The following CDC42BPA variants were observed in gnomAD, a reference collection of about 807,000 sequenced individuals.
CDC42BPA encodes the protein serine/threonine-protein kinase MRCK alpha.
CDC42BPA carries 80 observed loss-of-function variants against 223.5 expected under a neutral mutation model. The ratio of observed to expected loss-of-function variants is 0.36; its 90% CI spans 0.30 to 0.43. The LOEUF is 0.43. Ranked by LOEUF, CDC42BPA falls within the 20% of genes least tolerant of loss-of-function variation. CDC42BPA has a pLI of 1.00. For synonymous variants in CDC42BPA, 694 were observed against 718.6 expected, an observed-to-expected ratio of 0.97 and a Z score of 0.55; for missense variants, 1,743 against 2,099.9, an observed-to-expected ratio of 0.83 and a Z score of 3.32.
chr1:227,312,835 T>A (rs1693754694), intron 1 of CDC42BPA, among the ~76,000 whole-genome samples: 1 of 152,118 alleles, frequency 6.6e-6, no homozygotes, highest in Non-Finnish European at 1.5e-5. Context: ...ATCTGGTTGT[T>A]TAAAAGCGTG....
chr1:227,016,312 A>C (rs1666236452), intron 33 of CDC42BPA, 115 bp from the exon 34 acceptor site: 4 of 687,524 alleles, frequency 5.8e-6, no homozygotes, highest in Non-Finnish European at 1.0e-5. Flanking sequence ...CACATTAATA[A>C]GAATATAGAG....
At chr1:227,191,616 T>G (rs780620618) in intron 5 of CDC42BPA, among the ~76,000 whole-genome samples, 1 of 152,158 alleles carries the variant, frequency 6.6e-6, no homozygotes, top group Non-Finnish European at 1.5e-5. Context: ...TCTCAAGAAT[T>G]ACATATAAAC....
chr1:227,214,170 C>A (rs547954725), intron 2 of CDC42BPA, among the ~76,000 whole-genome samples: 1 of 150,398 alleles, frequency 6.6e-6, no homozygotes, highest in Non-Finnish European at 1.5e-5. Context: ...TGCTGTTCAA[C>A]GGGATATTTC....
chr1:227,081,454 CTCTTTT>C (rs999466906), intron 16 of CDC42BPA, among the ~76,000 whole-genome samples: 3 of 136,078 alleles, frequency 2.2e-5, no homozygotes, highest in African/African-American at 8.4e-5. Flanking sequence ...TGTTCTCTCT[CTCTTTT>C]TTTTTTTTTC....
Position 227,145,733 on chromosome 1 carries a change from C to T in CDC42BPA, c.899G>A (p.Arg300Lys). Residue 300 changes from arginine to lysine, a missense_variant, in exon 8 of 37, where the codon AGG becomes AAG. Arg to Lys is a conservative substitution (Grantham distance 26). This residue lies in a region of CDC42BPA where 321 missense variants were observed against 488.7 expected (regional missense o/e 0.66). Transcript: ENST00000366766. ...TYGKIMNHKERFQFPAQVTDV... is the reference protein window; with the variant it reads ...TYGKIMNHKEKFQFPAQVTDV... Reference sequence around the variant, plus strand: ...AGTCACTTGGGCTGGAAACTGAAACCTCTCCTAAACAGAGAAAAACAGAAA... The same window carrying T: ...AGTCACTTGGGCTGGAAACTGAAACTTCTCCTAAACAGAGAAAAACAGAAA... 1 of 1,606,596 alleles carries T rather than the reference C, an allele frequency of 6.2e-7. No individual in the cohort carries two copies.
At chr1:227,292,552 C>T (rs1213785092) in intron 1 of CDC42BPA, among the ~76,000 whole-genome samples, 1 of 152,112 alleles carries the variant, frequency 6.6e-6, no homozygotes, top group Non-Finnish European at 1.5e-5. Context: ...GAATTAAAAT[C>T]ATCTTTATCA....
chr1:227,091,861 A>T, intron 16 of CDC42BPA, 25 bp downstream of exon 16: 1 of 1,281,924 alleles, frequency 7.8e-7, no homozygotes, highest in Non-Finnish European at 1.1e-6. Context: ...GTACTACTCA[A>T]TTAATATGAG....
At chr1:227,272,179 A>T (rs557889645) in intron 1 of CDC42BPA, among the ~76,000 whole-genome samples, 107 of 152,294 alleles carry the variant, frequency 7.0e-4, no homozygotes, top group Non-Finnish European at 1.4e-3. Context: ...AATGTAGGAG[A>T]AAAGCCAAGA....
intron 1 of CDC42BPA, among the ~76,000 whole-genome samples, chr1:227,300,629 A>G (rs978606649): frequency 6.6e-6 from 1 of 152,224 alleles, no homozygotes; most frequent in Non-Finnish European, 1.5e-5. Context: ...CTATGGGTAC[A>G]CAAAGGCAGA....
At chr1:227,028,453 G>A (rs969063091) in intron 30 of CDC42BPA, among the ~76,000 whole-genome samples, 4 of 152,130 alleles carry the variant, frequency 2.6e-5, no homozygotes, top group South Asian at 2.1e-4. Context: ...TTTAAATTAC[G>A]TGCATGCTAA....
At chr1:227,246,263 T>C (rs969569455) in intron 2 of CDC42BPA, among the ~76,000 whole-genome samples, 1 of 152,182 alleles carries the variant, frequency 6.6e-6, no homozygotes, top group Non-Finnish European at 1.5e-5. Flanking sequence ...CTTTTTGTAT[T>C]GTGGTTTGAA....
chr1:227,035,828 T>C (rs1324802452), intron 24 of CDC42BPA, among the ~76,000 whole-genome samples: 1 of 152,210 alleles, frequency 6.6e-6, no homozygotes, highest in African/African-American at 2.4e-5. Flanking sequence ...TTACTGCTGT[T>C]CTGTATTGAC....
At chr1:227,010,943 T>C (rs1376183494) in intron 34 of CDC42BPA, 4 of 1,365,118 alleles carry the variant, frequency 2.9e-6, no homozygotes, top group East Asian at 4.5e-5. Flanking sequence ...TCAGGGTTTA[T>C]GGAATCAGGA....
At chr1:227,292,046 G>A (rs187180817) in intron 1 of CDC42BPA, among the ~76,000 whole-genome samples, 5 of 151,852 alleles carry the variant, frequency 3.3e-5, no homozygotes, top group South Asian at 2.1e-4. Flanking sequence ...GCAGTGGTGC[G>A]ATCTCGGCTC....
rs1368757818 is a variant in CDC42BPA at position 227,266,488 on chromosome 1, CTTGTGTTT to C, written c.179-12341_179-12334del. On this transcript the variant is annotated intron_variant, in intron 1 of 36. Transcript: ENST00000366766. ...CAAGACTTATTTAGTAATAAATGTTCTTGTGTTTTCGATCACTGTTAGTTGTATTGTTA... is the reference window on the plus strand; with the variant it reads ...CAAGACTTATTTAGTAATAAATGTTCTCGATCACTGTTAGTTGTATTGTTA... Among the ~76,000 whole-genome samples, 6 of 152,176 alleles carry C rather than the reference CTTGTGTTT, an allele frequency of 3.9e-5. 1 individual carries two copies. The highest frequency in any genetic ancestry group is 6.5e-5 in the Admixed American group (1 of 15,268).
intron 3 of CDC42BPA, among the ~76,000 whole-genome samples, chr1:227,211,502 C>T (rs1673887219): frequency 6.6e-6 from 1 of 152,064 alleles, no homozygotes; most frequent in Non-Finnish European, 1.5e-5. Context: ...CTCAATCTTG[C>T]TGTCCATTAA....
At chr1:227,306,026 A>C (rs764960846) in intron 1 of CDC42BPA, among the ~76,000 whole-genome samples, 1 of 152,110 alleles carries the variant, frequency 6.6e-6, no homozygotes, top group Non-Finnish European at 1.5e-5. Context: ...CATATTAAAA[A>C]TTCTGTATGG....
Position 227,026,066 on chromosome 1 carries a change from G to C in CDC42BPA, c.4519C>G (p.Pro1507Ala). The change falls in exon 31 of 37, where the codon CCT becomes GCT. Residue 1507 changes from proline to alanine, a missense_variant. Pro to Ala is a conservative substitution (Grantham distance 27). Around this residue, in one of 6 missense-constraint regions of CDC42BPA, gnomAD observed 678 missense variants for 777.5 expected, o/e 0.87. Transcript: ENST00000366766. ...VNSMEWIQTL[P>A]LKKVRPLNNE... is the part of the protein sequence containing the mutation. ...TAATGTTAAATTACCTTTTTGAGAG[G>C]AAGAGTCTGAATCCATTCCATGGAG... 1 of 1,578,250 alleles carries C rather than the reference G, an allele frequency of 6.3e-7. No individual in the cohort carries two copies. The highest frequency in any genetic ancestry group is 8.7e-7 in the Non-Finnish European group (1 of 1,151,968).
At chr1:227,312,474 C>T (rs1203038319) in intron 1 of CDC42BPA, among the ~76,000 whole-genome samples, 1 of 152,212 alleles carries the variant, frequency 6.6e-6, no homozygotes, top group East Asian at 1.9e-4. Flanking sequence ...GTATGCCTTA[C>T]ATTTCCATAT....
Sources: allele counts gnomAD v4.1 joint callset (sites outside exome capture counted in the v4.1 genomes callset), GRCh38; gene constraint gnomAD v4.1.1; regional missense constraint gnomAD v4.1.1; transcripts MANE v1.5; gene names NCBI Gene and HGNC (gene_info 2026-07-23, HGNC 2026-07-21).